RASA3: variants seen among roughly 807,000 people sequenced by gnomAD.
The protein encoded by RASA3 is ras GTPase-activating protein 3.
A neutral mutation model predicts 110.0 loss-of-function variants in RASA3; 73 were observed. The ratio of observed to expected loss-of-function variants is 0.66; its 90% CI spans 0.55 to 0.81. The LOEUF (loss-of-function observed/expected upper bound fraction) is 0.81, where lower values mean the gene tolerates loss of function less well. Ranked by LOEUF, RASA3 falls within the 30% of genes least tolerant of loss-of-function variation. The probability of loss-of-function intolerance (pLI) is 0.00; values close to 1 mark genes in which losing one functional copy is unlikely to be tolerated. For missense variants in RASA3, 976 were observed against 1,113.2 expected, an observed-to-expected ratio of 0.88 and a Z score of 1.75; for synonymous variants, 500 against 451.4, an observed-to-expected ratio of 1.11 and a Z score of -1.37.
chr13:114,060,695 C>T (rs774723744), intron 2 of RASA3, among the ~76,000 whole-genome samples: 6 of 152,228 alleles, frequency 3.9e-5, no homozygotes, highest in African/African-American at 7.2e-5. Context: ...GCTGGAGCCG[C>T]GCACGCCCGG....
intron 2 of RASA3, among the ~76,000 whole-genome samples, chr13:114,052,635 G>C (rs2079163559): frequency 6.6e-6 from 1 of 152,156 alleles, no homozygotes; most frequent in Non-Finnish European, 1.5e-5. Flanking sequence ...CACTCCTCGG[G>C]GAGAGACCCC....
At chr13:114,129,994 G>T (rs1045717984) in intron 1 of RASA3, among the ~76,000 whole-genome samples, 2 of 147,776 alleles carry the variant, frequency 1.4e-5, no homozygotes, top group Non-Finnish European at 2.9e-5. Context: ...GTGGATTAAA[G>T]AAAGAGCCTG....
rs376288276 is a variant in RASA3, at chr13:114,005,298, G to A, written c.1742+2235C>T. ...TCCACACCAGGCAGAGCAAAGCCCC[G>A]AGCGGGAGTGGGAGCCGGGCCACAG... On this transcript the variant is annotated intron_variant, in intron 18 of 23. Coordinates refer to ENST00000334062, the MANE Select transcript of RASA3 (RefSeq NM_007368.4). Among the ~76,000 whole-genome samples the A allele has an allele frequency of 1.7e-3, 260 of 152,332 alleles. 7 individuals carry two copies. The South Asian group carries it at 0.044, about 26-fold the overall frequency.
chr13:114,021,594 GA>G, intron 8 of RASA3, 86 bp from the exon 9 acceptor site: 1 of 1,044,214 alleles, frequency 9.6e-7, no homozygotes, highest in Non-Finnish European at 1.4e-6. Context: ...GTTCCCCCAG[GA>G]GCAGAATGGA....
In RASA3 at chr13:114,067,178, C is replaced by T. The variant is rs1033552871; in HGVS notation, c.173+6542G>A. ...GGAGCTGAGGATGGGCCCCCACCTG[C>T]GGTACTCTGGGGCTGAGGACGGGCC... On this transcript the variant is annotated intron_variant, in intron 2 of 23. Transcript: ENST00000334062. 1.7e-4 allele frequency among the ~76,000 whole-genome samples: 23 copies of T among 137,770 alleles called. 1 individual carries two copies. Among genetic ancestry groups the T allele is most frequent in the Admixed American group, 5.0e-4 (7 of 14,070 alleles). 90.4% of individuals were successfully genotyped at this position (137,770 alleles called of 152,430 possible).
At chr13:113,997,121 T>C (rs1007945869) in intron 20 of RASA3, among the ~76,000 whole-genome samples, 1 of 152,170 alleles carries the variant, frequency 6.6e-6, no homozygotes, top group Non-Finnish European at 1.5e-5. Flanking sequence ...ACTGCAGGCA[T>C]CCCATCCACG....
chr13:114,027,802 GC>G (rs761145334), intron 6 of RASA3, 44 bp downstream of exon 6: 18 of 1,572,448 alleles, frequency 1.1e-5, no homozygotes, highest in Admixed American at 3.3e-5. Context: ...CTGGACCCTA[GC>G]CCCCCAGGAC....
chr13:114,052,192 G>A (rs748008826), intron 2 of RASA3, 37 bp from the exon 3 acceptor site: 2 of 1,438,074 alleles, frequency 1.4e-6, no homozygotes, highest in African/African-American at 2.8e-5. Flanking sequence ...TAGAACACAG[G>A]CCACGCTTGC....
At chr13:113,979,574 C>T (rs1367148635) in intron 23 of RASA3, 152 bp from the exon 24 acceptor site, 10 of 681,056 alleles carry the variant, frequency 1.5e-5, no homozygotes, top group South Asian at 6.9e-5. Flanking sequence ...ACAGTGCCCC[C>T]GGAAGCACCC....
chr13:114,065,687 C>G lies in RASA3; in HGVS notation c.173+8033G>C, dbSNP rs2079435471. Among the ~76,000 whole-genome samples the G allele has an allele frequency of 6.6e-6, 1 of 152,094 alleles. No individual in the cohort carries two copies. The highest frequency in any genetic ancestry group is 6.5e-5 in the Admixed American group (1 of 15,276). ...GGGTCCGCGGTCAGCTCATAGCCCACCCGCCACCCAGCACTGCAGGGTCAC... is the reference window on the plus strand; with the variant it reads ...GGGTCCGCGGTCAGCTCATAGCCCAGCCGCCACCCAGCACTGCAGGGTCAC... On this transcript the variant is annotated intron_variant, in intron 2 of 23. Coordinates refer to ENST00000334062, the MANE Select transcript of RASA3 (RefSeq NM_007368.4). The surrounding 1 kb of genome is among the most constrained non-coding windows in gnomAD (Gnocchi z 4.1).
intron 5 of RASA3, 60 bp from the exon 6 acceptor site, chr13:114,027,987 G>C: frequency 7.0e-7 from 1 of 1,435,354 alleles, no homozygotes. Flanking sequence ...CGAATGGCGA[G>C]ACAGCTCTGG....
chr13:114,073,411 C>G (rs1566552437), intron 2 of RASA3, among the ~76,000 whole-genome samples: 2 of 149,104 alleles, frequency 1.3e-5, no homozygotes, highest in East Asian at 4.0e-4. Context: ...GACGTACACG[C>G]TCGGGACATT....
chr13:113,982,672 ATGTT>A (rs1323803305), intron 22 of RASA3, among the ~76,000 whole-genome samples: 1 of 152,226 alleles, frequency 6.6e-6, no homozygotes, highest in African/African-American at 2.4e-5. Flanking sequence ...GATGGAATGA[ATGTT>A]TGTGCCCCCA....
intron 3 of RASA3, among the ~76,000 whole-genome samples, chr13:114,043,248 G>A (rs535478590): frequency 6.6e-6 from 1 of 152,302 alleles, no homozygotes; most frequent in East Asian, 1.9e-4. Context: ...GGGAGGTGCG[G>A]AAGGTGGAAA....
rs999938825 is a variant in RASA3, at chr13:114,096,256, G to A, written c.56-22419C>T. On this transcript the variant is annotated intron_variant, in intron 1 of 23. Coordinates refer to ENST00000334062, the MANE Select transcript of RASA3 (RefSeq NM_007368.4). This position sits in a 1 kb window ranked among gnomAD's most constrained non-coding sequence, Gnocchi z 5.1. ...GTGCTGCCTGGGAGTCCACGTTCTC[G>A]AAAATGCAGGGTGACCCTGGCGCAG... Among the ~76,000 whole-genome samples, 9 of 152,176 alleles carry A rather than the reference G, an allele frequency of 5.9e-5. No individual in the cohort carries two copies. Among genetic ancestry groups the A allele is most frequent in the Admixed American group, 2.0e-4 (3 of 15,284 alleles).
At chr13:114,118,717 G>C (rs72659583) in intron 1 of RASA3, among the ~76,000 whole-genome samples, 47,948 of 152,066 alleles carry the variant, frequency 0.32, 8,666 homozygotes, top group Non-Finnish European at 0.41. Flanking sequence ...CGCACACTCC[G>C]TGTGACCATC....
At position 114,000,947 on chromosome 13, in the gene RASA3, C is replaced by A. The variant is rs751877006; in HGVS notation, c.1743-15G>T. The A allele has an allele frequency of 2.3e-5, 37 of 1,586,962 alleles. No individual in the cohort carries two copies. Among genetic ancestry groups the A allele is most frequent in the Non-Finnish European group, 3.2e-5 (37 of 1,155,724 alleles). On this transcript the variant is annotated splice_polypyrimidine_tract_variant and intron_variant, in intron 18 of 23. Coordinates refer to ENST00000334062, the MANE Select transcript of RASA3 (RefSeq NM_007368.4). ...TGATCATGAACCTGTGTGAAGAGCA[C>A]ACAGGGCCGGGGTCCGGGCCTCAGC... is the stretch of plus-strand genomic sequence containing the variant.
intron 2 of RASA3, among the ~76,000 whole-genome samples, chr13:114,068,565 A>G (rs1594416261): frequency 2.0e-5 from 3 of 152,208 alleles, no homozygotes; most frequent in Admixed American, 2.0e-4. Context: ...ACTGCAGCGC[A>G]GCCTTGGGGA....
At chr13:114,109,922 C>G (rs2080193978) in intron 1 of RASA3, among the ~76,000 whole-genome samples, 1 of 152,198 alleles carries the variant, frequency 6.6e-6, no homozygotes, top group Non-Finnish European at 1.5e-5. Flanking sequence ...CCTTGGGGCG[C>G]AACTTCCCGG....
Sources: gnomAD v4.1 joint callset for allele counts (sites outside exome capture counted in the v4.1 genomes callset) on GRCh38, gnomAD v4.1.1 for gene constraint, Gnocchi (gnomAD v3.1) non-coding constraint, MANE v1.5 for transcripts, NCBI Gene and HGNC (gene_info 2026-07-23, HGNC 2026-07-21) for gene names.